The following APC variants were observed in gnomAD, a reference collection of about 807,000 sequenced individuals.
The protein encoded by APC is APC regulator of Wnt signaling pathway.
Under a neutral mutation model 247.0 loss-of-function variants are expected in APC, and 72 were observed. That is an observed-to-expected ratio of 0.29 (90% CI 0.24 to 0.35). The LOEUF (loss-of-function observed/expected upper bound fraction) is 0.35, where lower values mean the gene tolerates loss of function less well. APC is among the 10% of genes least tolerant of loss of function. The pLI is 1.00. For synonymous variants in APC, 1,254 were observed against 1,162.5 expected (o/e 1.08, Z -1.60); for missense variants, 3,400 against 3,360.7 (o/e 1.01, Z -0.29).
At chr5:112,771,527 G>C (rs1238963922) in intron 4 of APC, among the ~76,000 whole-genome samples, 2 of 152,100 alleles carry the variant, frequency 1.3e-5, no homozygotes, top group African/African-American at 4.8e-5. Flanking sequence ...TCTCACACTT[G>C]ATTGATAGTT....
intron 8 of APC, among the ~76,000 whole-genome samples, chr5:112,811,256 A>G (rs1761957256): frequency 6.6e-6 from 1 of 152,356 alleles, no homozygotes; most frequent in African/African-American, 2.4e-5. Flanking sequence ...GACAATGAGC[A>G]AAGCTGATTC....
chr5:112,843,630 C>G lies in APC; in HGVS notation c.8036C>G (p.Thr2679Ser), dbSNP rs752887834. ...PRSGRSPTGNTPPVIDSVSEK... is the reference protein window; with the variant it reads ...PRSGRSPTGNSPPVIDSVSEK... The stretch of plus-strand genomic sequence containing the variant: ...TCTGGAAGATCTCCCACAGGTAATA[C>G]TCCCCCGGTGATTGACAGTGTTTCA... Residue 2679 changes from threonine to serine, a missense_variant, in exon 16 of 16, where the codon ACT becomes AGT. Physicochemically the swap from Thr to Ser is moderately conservative, Grantham distance 58. Transcript: ENST00000257430. The surrounding 1 kb of genome is among the most constrained non-coding windows in gnomAD (Gnocchi z 4.8). 1 of 1,613,810 alleles carries G rather than the reference C, an allele frequency of 6.2e-7. No homozygotes were observed. The highest frequency in any genetic ancestry group is 8.5e-7 in the Non-Finnish European group (1 of 1,179,748).
At chr5:112,761,037 C>T (rs1026267834) in intron 2 of APC, among the ~76,000 whole-genome samples, 3 of 152,102 alleles carry the variant, frequency 2.0e-5, no homozygotes, top group African/African-American at 4.8e-5. Context: ...TCTTGATCTC[C>T]TGACCTCGTG....
intron 14 of APC, among the ~76,000 whole-genome samples, chr5:112,834,699 C>T: frequency 6.6e-6 from 1 of 152,120 alleles, no homozygotes; most frequent in South Asian, 2.1e-4. Flanking sequence ...ACTATCTAAA[C>T]ACTTAGAATA....
chr5:112,807,458 A>G (rs1405552458), intron 8 of APC, among the ~76,000 whole-genome samples: 7 of 152,204 alleles, frequency 4.6e-5, no homozygotes, highest in African/African-American at 9.6e-5. Context: ...GTCATTTAAT[A>G]ATACTTTGAG....
chr5:112,798,294 A>G (rs1421702656), intron 7 of APC, among the ~76,000 whole-genome samples: 1 of 152,282 alleles, frequency 6.6e-6, no homozygotes, highest in Non-Finnish European at 1.5e-5. Flanking sequence ...ATGAACCTCC[A>G]GAACATGCTA....
At chr5:112,745,136 T>G (rs1485075241) in intron 1 of APC, among the ~76,000 whole-genome samples, 1 of 151,658 alleles carries the variant, frequency 6.6e-6, no homozygotes, top group Non-Finnish European at 1.5e-5. Context: ...TGCTGGTCAG[T>G]TATAGAACTT....
intron 13 of APC, 64 bp downstream of exon 13, chr5:112,828,070 T>C (rs1763901085): frequency 5.1e-6 from 7 of 1,373,296 alleles, no homozygotes; most frequent in Non-Finnish European, 7.2e-6. Flanking sequence ...GGTCTCACTC[T>C]GTCACCCAGG....
chr5:112,843,283 T>C lies in APC; in HGVS notation c.7689T>C (p.Thr2563=), dbSNP rs2149991964. The C allele has an allele frequency of 6.2e-7, 1 of 1,613,574 alleles. No homozygotes were observed. Among genetic ancestry groups the C allele is most frequent in the Non-Finnish European group, 8.5e-7 (1 of 1,179,506 alleles). ...KHSSSLPRVS[T]WRRTGSSSSI... ...CATCATCCCTTCCTCGAGTAAGCACTTGGAGAAGAACTGGAAGTTCATCTT... is the reference window on the plus strand; with the variant it reads ...CATCATCCCTTCCTCGAGTAAGCACCTGGAGAAGAACTGGAAGTTCATCTT... The change falls in exon 16 of 16, where the codon ACT becomes ACC. Residue 2563 remains threonine, a synonymous_variant. Transcript: ENST00000257430. This position sits in a 1 kb window ranked among gnomAD's most constrained non-coding sequence, Gnocchi z 4.8.
chr5:112,825,704 AAG>A (rs1763590340), intron 11 of APC, among the ~76,000 whole-genome samples: 1 of 152,230 alleles, frequency 6.6e-6, no homozygotes, highest in South Asian at 2.1e-4. Context: ...TAAAAATAAA[AAG>A]AAAGATACAC....
chr5:112,842,994 C>T lies in APC; in HGVS notation c.7400C>T (p.Pro2467Leu), dbSNP rs758713824. Residue 2467 changes from proline (P) to leucine (L), a missense_variant, in exon 16 of 16, where the codon CCA becomes CTA. By Grantham distance (98) the Pro-to-Leu change is moderately conservative. Coordinates refer to ENST00000257430, the MANE Select transcript of APC (RefSeq NM_000038.6). ...TCTGCTTCATTTGAATCTCTTTCTC[C>T]ATCATCTAGACCAGCTTCTCCCACT... ...EESASFESLS[P>L]SSRPASPTRS... 6.2e-7 allele frequency: 1 copy of T among 1,614,032 alleles called. No individual in the cohort carries two copies. Among genetic ancestry groups the T allele is most frequent in the South Asian group, 1.1e-5 (1 of 91,082 alleles).
intron 9 of APC, among the ~76,000 whole-genome samples, chr5:112,816,878 T>G (rs960170502): frequency 2.0e-5 from 3 of 152,068 alleles, no homozygotes; most frequent in African/African-American, 7.2e-5. Flanking sequence ...ATTTATTTAT[T>G]TATTTTTTGA....
chr5:112,841,547 G>A lies in APC; in HGVS notation c.5953G>A (p.Glu1985Lys), dbSNP rs1561604028. 1 of 1,613,878 alleles carries A rather than the reference G, an allele frequency of 6.2e-7. No homozygotes were observed. The highest frequency in any genetic ancestry group is 1.3e-5 in the African/African-American group (1 of 74,992). Residue 1985 changes from glutamate to lysine, a missense_variant, in exon 16 of 16, where the codon GAA becomes AAA. Coordinates refer to ENST00000257430, the MANE Select transcript of APC (RefSeq NM_000038.6). The surrounding 1 kb of genome is among the most constrained non-coding windows in gnomAD (Gnocchi z 4.6). ...IDQENNNKEN[E>K]PIKETEPPDS... ...CCAAGAAAACAACAATAAAGAAAAT[G>A]AACCTATCAAAGAGACTGAGCCCCC...
chr5:112,721,489 C>T (rs1325840451), intron 1 of APC, among the ~76,000 whole-genome samples: 1 of 151,998 alleles, frequency 6.6e-6, no homozygotes, highest in Non-Finnish European at 1.5e-5. Context: ...TTGGAGATGA[C>T]GCAGTTATTG....
At chr5:112,720,281 ATG>A (rs959732168) in intron 1 of APC, among the ~76,000 whole-genome samples, 2 of 152,222 alleles carry the variant, frequency 1.3e-5, no homozygotes. Context: ...TAGAATTCTT[ATG>A]TGTTTACTGT....
upstream of APC, among the ~76,000 whole-genome samples, chr5:112,733,503 T>C (rs1752200757): frequency 6.6e-6 from 1 of 151,730 alleles, no homozygotes; most frequent in African/African-American, 2.4e-5. Context: ...CCACCATTGC[T>C]TGCTCTGAAG....
intron 15 of APC, among the ~76,000 whole-genome samples, chr5:112,835,512 T>C (rs2149846110): frequency 6.6e-6 from 1 of 152,044 alleles, no homozygotes; most frequent in South Asian, 2.1e-4. Context: ...ACTATGAGCG[T>C]GATCCAGAGA....
In APC at chr5:112,846,159, A is replaced by C. The variant is rs992016208; in HGVS notation, c.*2033A>C. The C allele has an allele frequency of 2.6e-5, 6 of 232,186 alleles. No individual in the cohort carries two copies. Among genetic ancestry groups the C allele is most frequent in the African/African-American group, 8.8e-5 (4 of 45,320 alleles). 14.4% of individuals were successfully genotyped at this position (232,186 alleles called of 1,614,324 possible). On this transcript the variant is annotated 3_prime_UTR_variant, in exon 16 of 16. Coordinates refer to ENST00000257430, the MANE Select transcript of APC (RefSeq NM_000038.6). ...AATGATTGACCTTTAAATTTTTGCCAAATGTTATCTGAAATTGTCTATGAA... is the reference window on the plus strand; with the variant it reads ...AATGATTGACCTTTAAATTTTTGCCCAATGTTATCTGAAATTGTCTATGAA...
intron 1 of APC, among the ~76,000 whole-genome samples, chr5:112,716,988 A>G (rs1250154864): frequency 2.0e-5 from 3 of 152,098 alleles, no homozygotes; most frequent in Non-Finnish European, 2.9e-5. Context: ...CCCTTCTCAT[A>G]TAGTTATTTT....
Sources: allele counts gnomAD v4.1 joint callset (sites outside exome capture counted in the v4.1 genomes callset), GRCh38; gene constraint gnomAD v4.1.1; non-coding constraint Gnocchi (gnomAD v3.1); transcripts MANE v1.5; gene names NCBI Gene and HGNC (gene_info 2026-07-23, HGNC 2026-07-21).